The following CCDC152 variants were observed in gnomAD, a reference collection of about 807,000 sequenced individuals.
CCDC152 encodes the protein coiled-coil domain containing 152.
In CCDC152, 37 loss-of-function variants were observed where a neutral mutation model predicts 38.1. The ratio of observed to expected loss-of-function variants is 0.97; its 90% CI spans 0.75 to 1.28. The LOEUF is 1.28. Ranked by LOEUF, CCDC152 falls within the 50% of genes most tolerant of loss-of-function variation. The pLI is 0.00. For missense variants in CCDC152, 259 were observed against 292.1 expected (o/e 0.89, Z 0.83); for synonymous variants, 83 against 87.1 (o/e 0.95, Z 0.26).
rs1760204311 is a variant in CCDC152, at chr5:42,801,588, T to C, written c.*1807T>C. On this transcript the variant is annotated 3_prime_UTR_variant, in exon 9 of 9. Coordinates refer to ENST00000361970, the MANE Select transcript of CCDC152 (RefSeq NM_001134848.2). ...AGTAAACTGGCAAAAGGAACTTGGA[T>C]TGCAGGAAAGTCAAAGTAATATCAA... 4.4e-6 allele frequency: 2 copies of C among 456,878 alleles called. No homozygotes were observed. The highest frequency in any genetic ancestry group is 7.6e-6 in the Non-Finnish European group (2 of 263,326). 28.3% of individuals were successfully genotyped at this position (456,878 alleles called of 1,614,324 possible).
At position 42,799,725 on chromosome 5, in the gene CCDC152, T is replaced by C. The variant is rs189586751; in HGVS notation, c.709T>C (p.Leu237=). The change falls in exon 9 of 9, where the codon TTA becomes CTA. Residue 237 remains leucine, a synonymous_variant. Coordinates refer to ENST00000361970, the MANE Select transcript of CCDC152 (RefSeq NM_001134848.2). ...IAILRNTIRD[L]EQRLSVGKDS... ...AATTCTTCGTAATACCATTCGCGATTTAGAGCAACGCCTTTCTGTTGGCAA... is the reference window on the plus strand; with the variant it reads ...AATTCTTCGTAATACCATTCGCGATCTAGAGCAACGCCTTTCTGTTGGCAA... 7.0e-5 allele frequency: 108 copies of C among 1,551,332 alleles called. No homozygotes were observed. The African/African-American group carries it at 1.3e-3, about 19-fold the overall frequency.
intron 4 of CCDC152, among the ~76,000 whole-genome samples, chr5:42,775,516 C>T (rs76869521): frequency 6.6e-6 from 1 of 151,848 alleles, no homozygotes; most frequent in Non-Finnish European, 1.5e-5. Context: ...CTTTCTTAGA[C>T]AAAAATTGAG....
At chr5:42,784,672 C>G (rs1244249121) in intron 6 of CCDC152, among the ~76,000 whole-genome samples, 1 of 151,992 alleles carries the variant, frequency 6.6e-6, no homozygotes, top group Non-Finnish European at 1.5e-5. Flanking sequence ...AAATTCTTTG[C>G]CTAGGCCAAT....
At chr5:42,795,234 A>G (rs1312874005) in intron 6 of CCDC152, among the ~76,000 whole-genome samples, 2 of 152,224 alleles carry the variant, frequency 1.3e-5, no homozygotes, top group East Asian at 1.9e-4. Context: ...ATAGTAGCCA[A>G]CATGAAGCTG....
chr5:42,786,802 A>T (rs1454226346), intron 6 of CCDC152, among the ~76,000 whole-genome samples: 1 of 152,016 alleles, frequency 6.6e-6, no homozygotes, highest in African/African-American at 2.4e-5. Flanking sequence ...CTTTTCTCCT[A>T]ATACTACTTT....
intron 4 of CCDC152, among the ~76,000 whole-genome samples, chr5:42,774,750 C>T (rs1037982043): frequency 6.6e-6 from 1 of 151,744 alleles, no homozygotes; most frequent in Admixed American, 6.6e-5. Context: ...TTACAAGGCA[C>T]ACTAAAAGAA....
chr5:42,785,526 A>T lies in CCDC152; in HGVS notation c.430+1950A>T, dbSNP rs147078354. 2.4e-4 allele frequency among the ~76,000 whole-genome samples: 36 copies of T among 151,994 alleles called. No individual in the cohort carries two copies. The Middle Eastern group carries it at 0.014, about 57-fold the overall frequency. On this transcript the variant is annotated intron_variant, in intron 6 of 8. Coordinates refer to ENST00000361970, the MANE Select transcript of CCDC152 (RefSeq NM_001134848.2). The stretch of plus-strand genomic sequence containing the variant: ...GTTTTCTAGGTGTAGAATCTTTTAG[A>T]TGAATCTTTAGGGCTTTCTAGATGT...
intron 4 of CCDC152, among the ~76,000 whole-genome samples, chr5:42,773,703 A>G (rs1306538339): frequency 6.6e-6 from 1 of 152,242 alleles, no homozygotes; most frequent in Non-Finnish European, 1.5e-5. Flanking sequence ...AAAGTATCAG[A>G]GCTGTCACTT....
intron 3 of CCDC152, among the ~76,000 whole-genome samples, chr5:42,764,236 C>T (rs557049977): frequency 1.7e-4 from 26 of 152,148 alleles, no homozygotes; most frequent in Admixed American, 3.3e-4. Context: ...ATGGTGAAAC[C>T]CCGTCTCTAC....
rs1008867989 is a variant in CCDC152, at chr5:42,769,854, C to A, written c.262+189C>A. Among the ~76,000 whole-genome samples, 24 of 152,098 alleles carry A rather than the reference C, an allele frequency of 1.6e-4. No individual in the cohort carries two copies. In the East Asian group the frequency reaches 2.1e-3, roughly 13 times the overall value. On this transcript the variant is annotated intron_variant, in intron 4 of 8. Coordinates refer to ENST00000361970, the MANE Select transcript of CCDC152 (RefSeq NM_001134848.2). ...GTTATCCTGAACAGAACAATTCAGT[C>A]ATGTTCTATCTGATAGTGACATAAA...
At chr5:42,798,931 G>C (rs230813) in intron 7 of CCDC152, among the ~76,000 whole-genome samples, 84,278 of 152,002 alleles carry the variant, frequency 0.55, 23,562 homozygotes, top group Admixed American at 0.6. Flanking sequence ...CAGAAAGCTA[G>C]GTGAGGTTTT....
chr5:42,794,285 T>C (rs1321233521), intron 6 of CCDC152, among the ~76,000 whole-genome samples: 2 of 152,172 alleles, frequency 1.3e-5, no homozygotes, highest in African/African-American at 4.8e-5. Flanking sequence ...ATTTGCATCT[T>C]TCTTATACCT....
intron 6 of CCDC152, among the ~76,000 whole-genome samples, chr5:42,790,447 G>A (rs1759984160): frequency 6.6e-6 from 1 of 152,032 alleles, no homozygotes; most frequent in African/African-American, 2.4e-5. Flanking sequence ...ATTATTACTG[G>A]GACTATAAAA....
chr5:42,791,240 C>G (rs1470599261), intron 6 of CCDC152, among the ~76,000 whole-genome samples: 1 of 152,178 alleles, frequency 6.6e-6, no homozygotes, highest in Non-Finnish European at 1.5e-5. Context: ...TATTAACTAT[C>G]TCTACAACTA....
In CCDC152 at chr5:42,801,102, T is replaced by G. The variant is rs1480619948; in HGVS notation, c.*1321T>G. 6.2e-7 allele frequency: 1 copy of G among 1,614,076 alleles called. No homozygotes were observed. Among genetic ancestry groups the G allele is most frequent in the African/African-American group, 1.3e-5 (1 of 74,930 alleles). On this transcript the variant is annotated 3_prime_UTR_variant, in exon 9 of 9. Coordinates refer to ENST00000361970, the MANE Select transcript of CCDC152 (RefSeq NM_001134848.2). ...CATATCTCGGTTCTCTGGGTGACCC[T>G]GCCTATGCTGACCCTTGTGCTTATG... is the stretch of plus-strand genomic sequence containing the variant.
At chr5:42,775,192 A>G (rs1049422546) in intron 4 of CCDC152, among the ~76,000 whole-genome samples, 6 of 152,120 alleles carry the variant, frequency 3.9e-5, no homozygotes, top group African/African-American at 1.4e-4. Flanking sequence ...CCTAATTAAT[A>G]TCAGATACCA....
At chr5:42,765,750 C>T (rs181040063) in intron 3 of CCDC152, among the ~76,000 whole-genome samples, 1 of 152,178 alleles carries the variant, frequency 6.6e-6, no homozygotes, top group East Asian at 1.9e-4. Flanking sequence ...TCACCATATA[C>T]AAAAATAAAA....
At chr5:42,761,339 G>A (rs1759550332) in intron 2 of CCDC152, among the ~76,000 whole-genome samples, 1 of 152,194 alleles carries the variant, frequency 6.6e-6, no homozygotes. Flanking sequence ...GGTAGGCCAG[G>A]TGCGGTAGCT....
chr5:42,794,434 G>A (rs374632459), intron 6 of CCDC152, among the ~76,000 whole-genome samples: 5 of 152,150 alleles, frequency 3.3e-5, no homozygotes, highest in Non-Finnish European at 4.4e-5. Flanking sequence ...GGAACCAAAC[G>A]TTTTTCCTTA....
Sources: allele counts gnomAD v4.1 joint callset (sites outside exome capture counted in the v4.1 genomes callset), GRCh38; gene constraint gnomAD v4.1.1; transcripts MANE v1.5; gene names NCBI Gene and HGNC (gene_info 2026-07-23, HGNC 2026-07-21).